Variants in POLQ observed in about 807,000 individuals in gnomAD.
POLQ encodes the protein DNA polymerase theta, also known as epididymis secretory sperm binding protein.
A neutral mutation model predicts 259.2 loss-of-function variants in POLQ; 233 were observed. The ratio of observed to expected loss-of-function variants is 0.90; its 90% CI spans 0.81 to 1.00. The LOEUF (loss-of-function observed/expected upper bound fraction) is 1.00. Among genes scored for constraint, POLQ ranks in the 50% least tolerant of loss-of-function variants. The probability of loss-of-function intolerance (pLI) is 0.00; values close to 1 mark genes in which losing one functional copy is unlikely to be tolerated. For missense variants in POLQ, 2,871 were observed against 3,051.6 expected (o/e 0.94, Z 1.39); for synonymous variants, 1,025 against 1,048.8 (o/e 0.98, Z 0.44).
chr3:121,501,476 G>A (rs1434988088), intron 12 of POLQ, among the ~76,000 whole-genome samples: 1 of 149,642 alleles, frequency 6.7e-6, no homozygotes. Context: ...CGGCTAAAAC[G>A]GTGAAACCCC....
At chr3:121,513,276 A>T (rs1416162946) in intron 9 of POLQ, among the ~76,000 whole-genome samples, 1 of 152,156 alleles carries the variant, frequency 6.6e-6, no homozygotes, top group Non-Finnish European at 1.5e-5. Flanking sequence ...ATGGCTGTTT[A>T]TCCCAGAAAT....
At chr3:121,485,225 A>T (rs1288972091) in intron 16 of POLQ, 41 bp from the exon 17 acceptor site, 1 of 1,352,206 alleles carries the variant, frequency 7.4e-7, no homozygotes, top group Non-Finnish European at 1.0e-6. Flanking sequence ...ATCTCTAAAA[A>T]TAAAGACATT....
intron 7 of POLQ, 73 bp downstream of exon 7, chr3:121,529,572 T>C: frequency 1.4e-6 from 2 of 1,391,744 alleles, no homozygotes; most frequent in Non-Finnish European, 2.0e-6. Flanking sequence ...ATGTTTTTGC[T>C]AATATAATCA....
chr3:121,468,465 G>GA (rs575399163), intron 22 of POLQ, 34 bp from the exon 23 acceptor site: 344 of 1,518,358 alleles, frequency 2.3e-4, no homozygotes, highest in African/African-American at 1.8e-3. Flanking sequence ...ATAAAATCAG[G>GA]AAAAAAAATC....
In POLQ at chr3:121,490,317, C is replaced by T; in HGVS notation, c.2614G>A (p.Glu872Lys). 6.2e-7 allele frequency: 1 copy of T among 1,614,234 alleles called. No individual in the cohort carries two copies. Among genetic ancestry groups the T allele is most frequent in the Non-Finnish European group, 8.5e-7 (1 of 1,180,036 alleles). Residue 872 changes from glutamate (E) to lysine (K), a missense_variant, in exon 16 of 30, where the codon GAA (glutamate) becomes AAA (lysine). This residue lies in a region of POLQ where 2,080 missense variants were observed against 2,126.0 expected (regional missense o/e 0.98). Coordinates refer to ENST00000264233, the MANE Select transcript of POLQ (RefSeq NM_199420.4). ...ACTATAAGGGCTGCTGCTTCCCTTT[C>T]AGTTAAACCTTTTCTGCCAGTCACC... Reference protein sequence around the residue: ...IWVTGRKGLTEREAAALIVEE... With the variant: ...IWVTGRKGLTKREAAALIVEE...
At chr3:121,485,993 G>C (rs1046801875) in intron 16 of POLQ, among the ~76,000 whole-genome samples, 1 of 152,156 alleles carries the variant, frequency 6.6e-6, no homozygotes, top group Non-Finnish European at 1.5e-5. Flanking sequence ...CCACAATCCA[G>C]AAGGCAGAGC....
chr3:121,436,841 T>C (rs2047548240), intron 27 of POLQ, among the ~76,000 whole-genome samples: 1 of 151,524 alleles, frequency 6.6e-6, no homozygotes, highest in African/African-American at 2.4e-5. Context: ...TCCCTGGGTA[T>C]TCAGTTACAA....
Position 121,476,662 on chromosome 3 carries a change from T to C in POLQ, c.6283A>G (p.Ser2095Gly). 6.2e-7 allele frequency: 1 copy of C among 1,613,586 alleles called. No individual in the cohort carries two copies. Among genetic ancestry groups the C allele is most frequent in the South Asian group, 1.1e-5 (1 of 91,062 alleles). ...TTCTGACTTTCACATTCTGCAGTAC[T>C]AAAGCCAATTCCATTTAGTTCTAGC... ...ALLELNGIGF[S>G]TAECESQKHI... The change falls in exon 20 of 30, where the codon AGT becomes GGT. Residue 2095 changes from serine (S) to glycine (G), a missense_variant. By Grantham distance (56) the Ser-to-Gly change is moderately conservative. Coordinates refer to ENST00000264233, the MANE Select transcript of POLQ (RefSeq NM_199420.4).
rs73179911 is a variant in POLQ, at chr3:121,522,826, C to T, written c.1109-677G>A. Among the ~76,000 whole-genome samples, 871 of 152,246 alleles carry T rather than the reference C, an allele frequency of 5.7e-3. 3 individuals carry two copies. The highest frequency in any genetic ancestry group is 0.017 in the Middle Eastern group (5 of 294). On this transcript the variant is annotated intron_variant, in intron 7 of 29. Coordinates refer to ENST00000264233, the MANE Select transcript of POLQ (RefSeq NM_199420.4). ...AGCAGAGTATTACGGATACTGATTA[C>T]CACTCAAAGCCCCAAAATCAAAACC...
At chr3:121,533,237 TA>T (rs1267075045) in intron 5 of POLQ, 28 bp from the exon 6 acceptor site, 6 of 1,418,220 alleles carry the variant, frequency 4.2e-6, no homozygotes, top group Non-Finnish European at 3.9e-6. Flanking sequence ...AAAAGAACAT[TA>T]AAAGATATAT....
rs563677762 is a variant in POLQ, at chr3:121,503,385, A to T, written c.1960-4715T>A. Among the ~76,000 whole-genome samples, 84 of 152,370 alleles carry T rather than the reference A, an allele frequency of 5.5e-4. No homozygotes were observed. In the South Asian group the frequency reaches 0.017, roughly 31 times the overall value. The stretch of plus-strand genomic sequence containing the variant: ...GTATCACTGTCCTTAAGCAATAATG[A>T]CTATACTAGAATATATTCCCTTCAT... On this transcript the variant is annotated intron_variant, in intron 12 of 29. Transcript: ENST00000264233.
At chr3:121,523,280 A>G (rs1451890797) in intron 7 of POLQ, among the ~76,000 whole-genome samples, 9 of 152,038 alleles carry the variant, frequency 5.9e-5, no homozygotes, top group Admixed American at 5.9e-4. Flanking sequence ...TTGGCCTCCC[A>G]AAGTGCTGAG....
Position 121,493,675 on chromosome 3 carries a change from T to C in POLQ, c.2325A>G (p.Glu775=). ...FSNRLGWHNM[E]LLLSQFQKRL... Reference sequence around the variant, plus strand: ...GCTTCTGAAATTGGGAAAGTAGTAGTTCCATGTTGTGCCAGCCCAGACGGT... The same window carrying C: ...GCTTCTGAAATTGGGAAAGTAGTAGCTCCATGTTGTGCCAGCCCAGACGGT... Residue 775 remains glutamate (E), a synonymous_variant, in exon 15 of 30, where the codon GAA becomes GAG. Coordinates refer to ENST00000264233, the MANE Select transcript of POLQ (RefSeq NM_199420.4). 3 of 1,613,776 alleles carry C rather than the reference T, an allele frequency of 1.9e-6. No homozygotes were observed. The South Asian group carries it at 3.3e-5, about 18-fold the overall frequency.
intron 21 of POLQ, among the ~76,000 whole-genome samples, chr3:121,472,714 T>C (rs2047895302): frequency 6.6e-6 from 1 of 152,206 alleles, no homozygotes; most frequent in Non-Finnish European, 1.5e-5. Context: ...CTAAGGAAAC[T>C]TCCTAGGAGC....
chr3:121,504,884 G>A (rs1469217324), intron 12 of POLQ, among the ~76,000 whole-genome samples: 2 of 152,074 alleles, frequency 1.3e-5, no homozygotes, highest in African/African-American at 2.4e-5. Flanking sequence ...AAGACTCCGG[G>A]GGACTGTTGG....
chr3:121,470,253 G>A (rs1417561537), intron 22 of POLQ, among the ~76,000 whole-genome samples: 1 of 152,090 alleles, frequency 6.6e-6, no homozygotes, highest in Admixed American at 6.5e-5. Flanking sequence ...GCGAGACTCT[G>A]TCTCAAAAAT....
At position 121,460,244 on chromosome 3, in the gene POLQ, A is replaced by G. The variant is rs753118922; in HGVS notation, c.6968-10T>C. ...GCCAGTATTGAACCACCTGAAGTAG[A>G]AGTGATTTCAGAAAAGCTAGTACAA... On this transcript the variant is annotated splice_polypyrimidine_tract_variant and intron_variant, in intron 24 of 29. Coordinates refer to ENST00000264233, the MANE Select transcript of POLQ (RefSeq NM_199420.4). 1.3e-6 allele frequency: 2 copies of G among 1,599,410 alleles called. No individual in the cohort carries two copies. Among genetic ancestry groups the G allele is most frequent in the Non-Finnish European group, 1.7e-6 (2 of 1,167,108 alleles).
intron 26 of POLQ, among the ~76,000 whole-genome samples, chr3:121,442,221 A>G (rs1053115779): frequency 9.2e-5 from 14 of 152,244 alleles, no homozygotes; most frequent in Non-Finnish European, 1.6e-4. Context: ...ATTATGATAC[A>G]GGCATGCAAT....
intron 26 of POLQ, among the ~76,000 whole-genome samples, chr3:121,444,930 G>A (rs2047620675): frequency 1.3e-5 from 2 of 152,166 alleles, no homozygotes; most frequent in Admixed American, 1.3e-4. Context: ...AACCATCCTT[G>A]CATCCCAGGG....
Sources: gnomAD v4.1 joint callset for allele counts (sites outside exome capture counted in the v4.1 genomes callset) on GRCh38, gnomAD v4.1.1 for gene constraint, gnomAD v4.1.1 regional missense constraint, MANE v1.5 for transcripts, NCBI Gene and HGNC (gene_info 2026-07-23, HGNC 2026-07-21) for gene names.